HMG20A: variants seen among roughly 807,000 people sequenced by gnomAD.
HMG20A encodes high mobility group protein 20A.
In HMG20A, 17 loss-of-function variants were observed where a neutral mutation model predicts 43.9. The observed-to-expected ratio is 0.39, with a 90% confidence interval of 0.27 to 0.58. The LOEUF (loss-of-function observed/expected upper bound fraction) is 0.58, where lower values mean the gene tolerates loss of function less well. Among genes scored for constraint, HMG20A ranks in the 20% least tolerant of loss-of-function variants. The pLI, the probability that HMG20A is intolerant of heterozygous loss-of-function variation, is 0.59. For synonymous variants in HMG20A, 132 were observed against 147.5 expected (o/e 0.89, Z 0.76); for missense variants, 341 against 438.2 (o/e 0.78, Z 1.98).
chr15:77,500,948 T>C, the HMG20A span, among the ~76,000 whole-genome samples: 1 of 152,232 alleles, frequency 6.6e-6, no homozygotes, highest in Admixed American at 6.5e-5. Flanking sequence ...TTGTCCTTCC[T>C]GCTCTGCAAG....
At chr15:77,459,389 T>C (rs575801849) in intron 2 of HMG20A, among the ~76,000 whole-genome samples, 10 of 152,332 alleles carry the variant, frequency 6.6e-5, no homozygotes, top group Middle Eastern at 3.4e-3. Flanking sequence ...ATAAAAATCA[T>C]AGGCCTTTTA....
chr15:77,445,795 G>C (rs1371250615), intron 1 of HMG20A, among the ~76,000 whole-genome samples: 1 of 152,210 alleles, frequency 6.6e-6, no homozygotes, highest in African/African-American at 2.4e-5. Context: ...GCATGGATAT[G>C]CTGGACAAGG....
At chr15:77,488,866 A>G (rs2142374455), downstream of HMG20A, among the ~76,000 whole-genome samples, 1 of 152,340 alleles carries the variant, frequency 6.6e-6, no homozygotes, top group South Asian at 2.1e-4. Flanking sequence ...ATATGTCTAC[A>G]TACACTTTTA....
At chr15:77,517,819 G>T in the HMG20A span, among the ~76,000 whole-genome samples, 1 of 151,844 alleles carries the variant, frequency 6.6e-6, no homozygotes, top group South Asian at 2.1e-4. Flanking sequence ...CATACACTGT[G>T]CCTGGGGCAG....
At chr15:77,514,800 G>A in the HMG20A span, among the ~76,000 whole-genome samples, 315 of 152,310 alleles carry the variant, frequency 2.1e-3, 1 homozygote, top group African/African-American at 7.3e-3. Flanking sequence ...CAGCTTAGAG[G>A]GGCCCGAGTC....
At chr15:77,463,955 A>G (rs920890052) in intron 2 of HMG20A, among the ~76,000 whole-genome samples, 1 of 152,252 alleles carries the variant, frequency 6.6e-6, no homozygotes, top group African/African-American at 2.4e-5. Flanking sequence ...ATTCAGAGCT[A>G]AAACATGAAG....
chr15:77,451,022 AG>A (rs1324183561), intron 1 of HMG20A, among the ~76,000 whole-genome samples: 1 of 152,230 alleles, frequency 6.6e-6, no homozygotes, highest in Non-Finnish European at 1.5e-5. Context: ...CAATTTATAT[AG>A]CCTTTTCAGA....
chr15:77,451,921 G>A (rs34905779), intron 1 of HMG20A, among the ~76,000 whole-genome samples: 11,562 of 152,102 alleles, frequency 0.076, 578 homozygotes, highest in Non-Finnish European at 0.1. Context: ...TACATCAATC[G>A]GCCATGTTCA....
intron 1 of HMG20A, among the ~76,000 whole-genome samples, chr15:77,442,870 G>A (rs1295245818): frequency 6.6e-6 from 1 of 152,008 alleles, no homozygotes; most frequent in African/African-American, 2.4e-5. Context: ...AGTATTGCAT[G>A]TGAAATTAAA....
chr15:77,444,709 C>T (rs1293993222), intron 1 of HMG20A, among the ~76,000 whole-genome samples: 1 of 152,128 alleles, frequency 6.6e-6, no homozygotes, highest in Admixed American at 6.5e-5. Flanking sequence ...TTAAATGTGT[C>T]AAATGTGAAT....
intron 3 of HMG20A, chr15:77,464,608 T>C (rs1018786921): frequency 2.0e-5 from 8 of 399,030 alleles, no homozygotes; most frequent in Non-Finnish European, 3.7e-5. Context: ...AAGAAATGTA[T>C]ACTTACCTCA....
chr15:77,435,152 T>C (rs1595913113), intron 1 of HMG20A, among the ~76,000 whole-genome samples: 1 of 152,250 alleles, frequency 6.6e-6, no homozygotes, highest in East Asian at 1.9e-4. Context: ...TTTACAGGGA[T>C]AGTGAATGGG....
At chr15:77,470,669 T>C (rs2072798723) in intron 4 of HMG20A, among the ~76,000 whole-genome samples, 1 of 152,206 alleles carries the variant, frequency 6.6e-6, no homozygotes, top group Non-Finnish European at 1.5e-5. Context: ...CTTGTCTTCA[T>C]TAGGTTAGAA....
At chr15:77,487,115 A>C (rs1451611699), downstream of HMG20A, among the ~76,000 whole-genome samples, 1 of 152,218 alleles carries the variant, frequency 6.6e-6, no homozygotes, top group Non-Finnish European at 1.5e-5. Flanking sequence ...GGCAAGGACA[A>C]AATGAGCAAA....
Position 77,471,775 on chromosome 15 carries a change from A to C in HMG20A, c.584-8A>C. On this transcript the variant is annotated splice_region_variant and splice_polypyrimidine_tract_variant and intron_variant, in intron 5 of 9. Transcript: ENST00000336216. ...ATGTAATGTTCTCTTATTCTTTTAT[A>C]TTTTTAGATGCAGCCCGGCAGGCCA... 1.3e-6 allele frequency: 2 copies of C among 1,569,800 alleles called. No homozygotes were observed. Among genetic ancestry groups the C allele is most frequent in the Non-Finnish European group, 1.7e-6 (2 of 1,144,958 alleles).
chr15:77,466,513 C>T (rs1420669289), intron 3 of HMG20A, among the ~76,000 whole-genome samples: 2 of 152,184 alleles, frequency 1.3e-5, no homozygotes, highest in African/African-American at 4.8e-5. Flanking sequence ...TATCTATCTG[C>T]TATGCTATGC....
intron 1 of HMG20A, among the ~76,000 whole-genome samples, chr15:77,454,174 A>C (rs1176262552): frequency 1.3e-5 from 2 of 151,546 alleles, no homozygotes; most frequent in Non-Finnish European, 2.9e-5. Flanking sequence ...AAAAAAAAAA[A>C]AAAAAACAAA....
At chr15:77,435,286 T>C (rs2073533974) in intron 1 of HMG20A, among the ~76,000 whole-genome samples, 1 of 152,138 alleles carries the variant, frequency 6.6e-6, no homozygotes, top group African/African-American at 2.4e-5. Flanking sequence ...AATTTTTGTT[T>C]TATAGTCTAT....
intron 1 of HMG20A, among the ~76,000 whole-genome samples, chr15:77,457,479 C>A (rs569998039): frequency 1.3e-5 from 2 of 152,344 alleles, no homozygotes; most frequent in African/African-American, 4.8e-5. Context: ...TTGAATATCC[C>A]TTTCATGATG....
Sources: gnomAD v4.1 joint callset for allele counts (sites outside exome capture counted in the v4.1 genomes callset) on GRCh38, gnomAD v4.1.1 for gene constraint, MANE v1.5 for transcripts, NCBI Gene and HGNC (gene_info 2026-07-23, HGNC 2026-07-21) for gene names.